The following NSD2 variants were observed in gnomAD, a reference collection of about 807,000 sequenced individuals.
NSD2 encodes the protein histone-lysine N-methyltransferase NSD2.
A neutral mutation model predicts 139.0 loss-of-function variants in NSD2; 12 were observed. The ratio of observed to expected loss-of-function variants is 0.09; its 90% confidence interval spans 0.06 to 0.14. The LOEUF (loss-of-function observed/expected upper bound fraction) is 0.14, where lower values mean the gene tolerates loss of function less well. Ranked by LOEUF, NSD2 falls within the 10% of genes least tolerant of loss-of-function variation. The pLI is 1.00. For synonymous variants in NSD2, 669 were observed against 648.7 expected (o/e 1.03, Z -0.48); for missense variants, 1,155 against 1,745.0 (o/e 0.66, Z 6.02).
intron 1 of NSD2, among the ~76,000 whole-genome samples, chr4:1,890,368 G>A (rs1287961858): frequency 2.0e-5 from 3 of 151,598 alleles, no homozygotes; most frequent in Non-Finnish European, 4.4e-5. Flanking sequence ...GCATGATCTC[G>A]GCTCACTGCA....
chr4:1,938,463 A>G lies in NSD2; in HGVS notation c.1687A>G (p.Thr563Ala). ...TTTTAAATAATAGAGAGACACAATC[A>G]CTGACAAAACGGCCAGAACAAGCTC... ...KHSLRKRDTI[T>A]DKTARTSSYK... The change falls in exon 8 of 22, where the codon ACT becomes GCT. Residue 563 changes from threonine to alanine, a missense_variant. Around this residue, in one of 8 missense-constraint regions of NSD2, gnomAD observed 420 missense variants for 469.0 expected, o/e 0.90. Transcript: ENST00000508803. The G allele has an allele frequency of 6.5e-7, 1 of 1,547,204 alleles. No homozygotes were observed. The highest frequency in any genetic ancestry group is 8.7e-7 in the Non-Finnish European group (1 of 1,153,128).
At chr4:1,941,871 A>G (rs561090757) in intron 9 of NSD2, 30 of 1,060,992 alleles carry the variant, frequency 2.8e-5, no homozygotes, top group East Asian at 1.0e-4. Flanking sequence ...GATGTTTCCA[A>G]TGCTGAATGC....
intron 1 of NSD2, among the ~76,000 whole-genome samples, chr4:1,888,873 T>C (rs966144024): frequency 1.4e-5 from 2 of 146,952 alleles, no homozygotes; most frequent in African/African-American, 5.0e-5. Flanking sequence ...GCTGCTTTAT[T>C]ATTTTTGAGC....
chr4:1,880,612 CAAA>C (rs549555052), intron 1 of NSD2, among the ~76,000 whole-genome samples: 1 of 118,720 alleles, frequency 8.4e-6, no homozygotes, highest in Non-Finnish European at 1.9e-5. Context: ...ATACTCCTGC[CAAA>C]AAAAAAAAAA....
At chr4:1,897,383 G>A (rs184252047) in intron 1 of NSD2, among the ~76,000 whole-genome samples, 3 of 152,206 alleles carry the variant, frequency 2.0e-5, no homozygotes, top group Admixed American at 2.0e-4. Flanking sequence ...TACTCGGGAG[G>A]CTGAGATGGG....
chr4:1,946,015 G>T, intron 9 of NSD2: 1 of 1,040,474 alleles, frequency 9.6e-7, no homozygotes, highest in South Asian at 4.6e-5. Context: ...TTTTGCCTTA[G>T]TGTGAAAATG....
intron 1 of NSD2, among the ~76,000 whole-genome samples, chr4:1,876,151 T>G (rs932022086): frequency 2.0e-5 from 3 of 151,930 alleles, no homozygotes; most frequent in African/African-American, 7.3e-5. Flanking sequence ...GAGGCGGAGC[T>G]TGCAGTGAGC....
intron 20 of NSD2, chr4:1,975,732 C>G (rs888223639): frequency 1.8e-5 from 5 of 284,122 alleles, no homozygotes; most frequent in Non-Finnish European, 3.3e-5. Flanking sequence ...GTGGCGGCCA[C>G]AGTCCTTGCT....
At position 1,939,418 on chromosome 4, in the gene NSD2, G is replaced by A. The variant is rs148786950; in HGVS notation, c.1757-236G>A. Reference sequence around the variant, plus strand: ...TGGAACCAGGTATGGATAGAGCCACGCTGGCCCCAGGTTGATGTTTTTGGG... The same window carrying A: ...TGGAACCAGGTATGGATAGAGCCACACTGGCCCCAGGTTGATGTTTTTGGG... On this transcript the variant is annotated intron_variant, in intron 8 of 21. Coordinates refer to ENST00000508803, the MANE Select transcript of NSD2 (RefSeq NM_001042424.3). 1,569 of 544,266 alleles carry A rather than the reference G, an allele frequency of 2.9e-3. 9 individuals are homozygous for A. Among genetic ancestry groups the A allele is most frequent in the Non-Finnish European group, 4.0e-3 (1,210 of 303,958 alleles). 33.7% of individuals were successfully genotyped at this position (544,266 alleles called of 1,614,324 possible). A position where few individuals can be genotyped will look rare whatever the true frequency, so the allele number is the denominator to read the frequency against.
intron 1 of NSD2, chr4:1,899,169 A>C (rs1040354562): frequency 6.6e-6 from 1 of 152,234 alleles, no homozygotes; most frequent in Non-Finnish European, 1.5e-5. Flanking sequence ...TGGGACTTCA[A>C]CATTTTTTCA....
chr4:1,879,966 A>T (rs571657178), intron 1 of NSD2, among the ~76,000 whole-genome samples: 2 of 152,042 alleles, frequency 1.3e-5, no homozygotes, highest in African/African-American at 4.8e-5. Flanking sequence ...TGAATTTTTC[A>T]AGGTGAGGGC....
intron 15 of NSD2, among the ~76,000 whole-genome samples, chr4:1,957,602 A>G (rs1162584508): frequency 6.6e-6 from 1 of 151,430 alleles, no homozygotes; most frequent in Non-Finnish European, 1.5e-5. Flanking sequence ...GTGCATTTTT[A>G]TTTTCTGTCT....
rs558054535 is a variant in NSD2 at position 1,908,726 on chromosome 4, A to G, written c.760+4348A>G. 2.0e-5 allele frequency among the ~76,000 whole-genome samples: 3 copies of G among 152,176 alleles called. No individual in the cohort carries two copies. The South Asian group carries it at 6.2e-4, about 32-fold the overall frequency. On this transcript the variant is annotated intron_variant, in intron 3 of 21. Coordinates refer to ENST00000508803, the MANE Select transcript of NSD2 (RefSeq NM_001042424.3). ...AAAGGCACAGGTCCCCATTGTCACT[A>G]ATGAGGGACCTGTGGGCTGTGCTTG...
At chr4:1,889,444 C>G (rs924928863) in intron 1 of NSD2, among the ~76,000 whole-genome samples, 1 of 151,952 alleles carries the variant, frequency 6.6e-6, no homozygotes, top group East Asian at 1.9e-4. Context: ...ATCCTCCTGC[C>G]TGGGCCAACC....
chr4:1,878,041 A>ATTT (rs1714389184), intron 1 of NSD2, among the ~76,000 whole-genome samples: 1 of 151,424 alleles, frequency 6.6e-6, no homozygotes. Flanking sequence ...GAAAAATAAA[A>ATTT]TTTAAAAAAA....
rs772015827 is a variant in NSD2 at position 1,900,920 on chromosome 4, G to A, written c.266G>A (p.Gly89Glu). The change falls in exon 2 of 22, where the codon GGA (glycine) becomes GAA (glutamate). Residue 89 changes from glycine to glutamate, a missense_variant. Physicochemically the swap from Gly to Glu is moderately conservative, Grantham distance 98. This residue lies in a region of NSD2 where 246 missense variants were observed against 262.8 expected (regional missense o/e 0.94). Transcript: ENST00000508803. ...GATCTTACTTCCCGGGTGTTTAATG[G>A]AGAACCCGGCGCACACGATGCCAAA... ...LKDLTSRVFN[G>E]EPGAHDAKLR... 8 of 1,613,902 alleles carry A rather than the reference G, an allele frequency of 5.0e-6. No homozygotes were observed. Among genetic ancestry groups the A allele is most frequent in the Non-Finnish European group, 5.9e-6 (7 of 1,179,974 alleles).
chr4:1,942,219 T>C lies in NSD2; in HGVS notation c.1881+2441T>C. On this transcript the variant is annotated intron_variant, in intron 9 of 21. Transcript: ENST00000508803. The surrounding 1 kb of genome is among the most constrained non-coding windows in gnomAD (Gnocchi z 4.0). Reference sequence around the variant, plus strand: ...CCCTGAGGAAGAGAATAAATTAAAATTACACACTTGCATGACAAAGGCCTG... The same window carrying C: ...CCCTGAGGAAGAGAATAAATTAAAACTACACACTTGCATGACAAAGGCCTG... 1 of 1,501,004 alleles carries C rather than the reference T, an allele frequency of 6.7e-7. No individual in the cohort carries two copies. Among genetic ancestry groups the C allele is most frequent in the Non-Finnish European group, 8.9e-7 (1 of 1,129,436 alleles). 93.0% of individuals were successfully genotyped at this position (1,501,004 alleles called of 1,614,324 possible).
At chr4:1,890,129 A>G (rs1715416835) in intron 1 of NSD2, among the ~76,000 whole-genome samples, 2 of 152,166 alleles carry the variant, frequency 1.3e-5, no homozygotes, top group African/African-American at 4.8e-5. Context: ...ATGTTTATCT[A>G]TGTTGTAGCA....
intron 5 of NSD2, among the ~76,000 whole-genome samples, chr4:1,923,513 C>T (rs374501835): frequency 6.6e-6 from 1 of 152,186 alleles, no homozygotes; most frequent in East Asian, 1.9e-4. Context: ...GTGGGATGGT[C>T]CTTCACAGTC....
Sources: allele counts gnomAD v4.1 joint callset (sites outside exome capture counted in the v4.1 genomes callset), GRCh38; gene constraint gnomAD v4.1.1; regional missense constraint gnomAD v4.1.1; non-coding constraint Gnocchi (gnomAD v3.1); transcripts MANE v1.5; gene names NCBI Gene and HGNC (gene_info 2026-07-23, HGNC 2026-07-21).